RBM47: variants seen among roughly 807,000 people sequenced by gnomAD.
The protein encoded by RBM47 is RNA binding motif protein 47.
RBM47 carries 21 observed loss-of-function variants against 47.1 expected under a neutral mutation model. The observed-to-expected ratio is 0.45, with a 90% CI of 0.32 to 0.64. The LOEUF is 0.64. RBM47 is among the 30% of genes least tolerant of loss of function. The pLI is 0.05. For synonymous variants in RBM47, 375 were observed against 361.7 expected (o/e 1.04, Z -0.42); for missense variants, 708 against 870.9 (o/e 0.81, Z 2.35).
intron 2 of RBM47, among the ~76,000 whole-genome samples, chr4:40,509,808 G>A (rs1724671733): frequency 6.6e-6 from 1 of 152,006 alleles, no homozygotes; most frequent in Non-Finnish European, 1.5e-5. Flanking sequence ...GTGTGAGCCC[G>A]GGAGGCGGAG....
intron 1 of RBM47, among the ~76,000 whole-genome samples, chr4:40,593,494 G>A (rs111278715): frequency 2.6e-5 from 4 of 151,994 alleles, no homozygotes; most frequent in East Asian, 1.9e-4. Flanking sequence ...CATTTTTCTC[G>A]GGAGGCCGAG....
intron 1 of RBM47, among the ~76,000 whole-genome samples, chr4:40,617,120 C>T (rs1194168550): frequency 1.3e-5 from 2 of 151,938 alleles, no homozygotes; most frequent in African/African-American, 2.4e-5. Context: ...AGGTGATCCA[C>T]CCGCCTCGGC....
intron 1 of RBM47, among the ~76,000 whole-genome samples, chr4:40,567,298 A>G (rs927405063): frequency 6.6e-6 from 1 of 151,984 alleles, no homozygotes. Flanking sequence ...GTAAAATGCG[A>G]TTTTGTTACA....
chr4:40,464,559 AC>A (rs2154230908), intron 3 of RBM47, among the ~76,000 whole-genome samples: 1 of 152,180 alleles, frequency 6.6e-6, no homozygotes, highest in African/African-American at 2.4e-5. Flanking sequence ...GGTAACTGAA[AC>A]CGAGAAAAGT....
chr4:40,450,030 T>C (rs1715171754), intron 3 of RBM47, among the ~76,000 whole-genome samples: 1 of 152,150 alleles, frequency 6.6e-6, no homozygotes, highest in African/African-American at 2.4e-5. Context: ...TAAAGGTTGA[T>C]GGGGTAATGC....
chr4:40,588,621 T>C (rs890145162), intron 1 of RBM47, among the ~76,000 whole-genome samples: 1 of 152,118 alleles, frequency 6.6e-6, no homozygotes, highest in Non-Finnish European at 1.5e-5. Context: ...AGCACACACA[T>C]TTATTTTAGC....
At chr4:40,505,474 TA>T (rs75559123) in intron 2 of RBM47, among the ~76,000 whole-genome samples, 22,819 of 105,482 alleles carry the variant, frequency 0.22, 1,932 homozygotes, top group East Asian at 0.29. Context: ...AGACTTCATC[TA>T]AAAAAAAAAA....
chr4:40,437,649 G>A (rs1435978793), intron 4 of RBM47, 122 bp downstream of exon 4: 10 of 1,003,182 alleles, frequency 1.0e-5, no homozygotes, highest in East Asian at 2.5e-5. Flanking sequence ...AACCCAAAAC[G>A]GGGGTGGGAG....
intron 3 of RBM47, among the ~76,000 whole-genome samples, chr4:40,445,207 G>C (rs1714345811): frequency 6.6e-6 from 1 of 151,318 alleles, no homozygotes; most frequent in African/African-American, 2.4e-5. Context: ...CCGAGAGTCG[G>C]AGCTTGCAGT....
chr4:40,531,160 A>G (rs1727348692), intron 2 of RBM47, among the ~76,000 whole-genome samples: 1 of 152,062 alleles, frequency 6.6e-6, no homozygotes, highest in African/African-American at 2.4e-5. Context: ...GGTTTACATA[A>G]AACGAAACCT....
intron 1 of RBM47, among the ~76,000 whole-genome samples, chr4:40,551,864 G>C (rs1405933857): frequency 6.6e-6 from 1 of 152,102 alleles, no homozygotes; most frequent in Non-Finnish European, 1.5e-5. Context: ...GGCCAGGCTA[G>C]TCTCGAACTC....
intron 1 of RBM47, among the ~76,000 whole-genome samples, chr4:40,599,864 A>G (rs966264303): frequency 2.6e-5 from 4 of 152,164 alleles, no homozygotes; most frequent in African/African-American, 9.7e-5. Flanking sequence ...AAATCATGAG[A>G]TAGTAGGCAC....
chr4:40,521,561 CAG>C (rs1560442307), intron 2 of RBM47, among the ~76,000 whole-genome samples: 1 of 152,040 alleles, frequency 6.6e-6, no homozygotes. Context: ...TGCGATGAAA[CAG>C]AAAGTATGAT....
intron 2 of RBM47, among the ~76,000 whole-genome samples, chr4:40,484,034 C>G (rs1181644991): frequency 6.6e-6 from 1 of 152,038 alleles, no homozygotes; most frequent in Non-Finnish European, 1.5e-5. Flanking sequence ...GGTGACACAC[C>G]AGCCACTAAA....
intron 2 of RBM47, among the ~76,000 whole-genome samples, chr4:40,505,493 G>T (rs114526794): frequency 2.4e-4 from 34 of 144,232 alleles, no homozygotes; most frequent in African/African-American, 8.5e-4. Context: ...AAAAAAAAGT[G>T]TAAAAAAAAA....
intron 1 of RBM47, among the ~76,000 whole-genome samples, chr4:40,602,438 A>T (rs1735369459): frequency 6.6e-6 from 1 of 151,732 alleles, no homozygotes; most frequent in Admixed American, 6.6e-5. Context: ...TCATGAGGTC[A>T]AGATATCGAG....
intron 2 of RBM47, among the ~76,000 whole-genome samples, chr4:40,528,955 AAT>A (rs1727065163): frequency 1.4e-5 from 2 of 146,918 alleles, no homozygotes; most frequent in East Asian, 2.0e-4. Context: ...AAAAAAAATA[AAT>A]AAATAAATAA....
intron 1 of RBM47, among the ~76,000 whole-genome samples, chr4:40,557,830 C>T (rs1221593692): frequency 6.6e-6 from 1 of 152,182 alleles, no homozygotes; most frequent in Non-Finnish European, 1.5e-5. Flanking sequence ...AGCAGACAAA[C>T]ACAAGGCCTT....
intron 3 of RBM47, among the ~76,000 whole-genome samples, chr4:40,453,746 T>C (rs1046712043): frequency 6.6e-6 from 1 of 152,094 alleles, no homozygotes; most frequent in Non-Finnish European, 1.5e-5. Context: ...AGAGCAGCGC[T>C]AAAAGAGAAT....
Sources: allele counts gnomAD v4.1 joint callset (sites outside exome capture counted in the v4.1 genomes callset), GRCh38; gene constraint gnomAD v4.1.1; transcripts MANE v1.5; gene names NCBI Gene and HGNC (gene_info 2026-07-23, HGNC 2026-07-21).